The following PARPBP variants were observed in gnomAD, a reference collection of about 807,000 sequenced individuals.
The protein encoded by PARPBP is PCNA-interacting partner.
In PARPBP, 52 loss-of-function variants were observed where a neutral mutation model predicts 50.0. The observed-to-expected ratio is 1.04, with a 90% CI of 0.83 to 1.31. The LOEUF is 1.31. Ranked by LOEUF, PARPBP falls within the 50% of genes most tolerant of loss-of-function variation. The pLI is 0.00. For synonymous variants in PARPBP, 244 were observed against 232.1 expected, an observed-to-expected ratio of 1.05 and a Z score of -0.47; for missense variants, 697 against 672.0, an observed-to-expected ratio of 1.04 and a Z score of -0.41.
At chr12:102,122,957 G>T (rs1329057785) in intron 1 of PARPBP, among the ~76,000 whole-genome samples, 1 of 152,158 alleles carries the variant, frequency 6.6e-6, no homozygotes, top group Non-Finnish European at 1.5e-5. Context: ...CAAAAGTTAA[G>T]GTTTTAAAAT....
At chr12:102,151,488 G>A (rs1052775790) in intron 3 of PARPBP, 18 of 879,384 alleles carry the variant, frequency 2.0e-5, no homozygotes, top group Admixed American at 1.8e-4. Flanking sequence ...GCTGGGAGAT[G>A]CATCAACATC....
rs1378876929 is a variant in PARPBP, at chr12:102,182,622, A to C, written c.1258A>C (p.Ile420Leu). 15 of 1,602,552 alleles carry C rather than the reference A, an allele frequency of 9.4e-6. No individual in the cohort carries two copies. The highest frequency in any genetic ancestry group is 1.2e-5 in the Non-Finnish European group (14 of 1,170,360). Residue 420 changes from isoleucine (I) to leucine (L), a missense_variant, in exon 9 of 11, where the codon ATT (isoleucine) becomes CTT (leucine). Physicochemically the swap from Ile to Leu is conservative, Grantham distance 5. Coordinates refer to ENST00000327680, the MANE Select transcript of PARPBP (RefSeq NM_017915.5). ...RICVSMQEKK[I>L]KMKQTLIRSQ... ...CTGTGTGTCAATGCAAGAGAAAAAA[A>C]TTAAGGTACAATTTAATGCATGCCA...
intron 6 of PARPBP, among the ~76,000 whole-genome samples, chr12:102,166,914 A>T (rs972451086): frequency 6.6e-6 from 1 of 152,214 alleles, no homozygotes; most frequent in Non-Finnish European, 1.5e-5. Flanking sequence ...CTGAACTTCC[A>T]GATAATATAT....
chr12:102,165,209 A>C (rs1240053750), intron 5 of PARPBP, among the ~76,000 whole-genome samples: 1 of 152,202 alleles, frequency 6.6e-6, no homozygotes, highest in African/African-American at 2.4e-5. Flanking sequence ...CTTTTGAACT[A>C]TACATGATCC....
At position 102,147,959 on chromosome 12, in the gene PARPBP, A is replaced by G. The variant is rs539460552; in HGVS notation, c.154-271A>G. 1.9e-3 allele frequency among the ~76,000 whole-genome samples: 283 copies of G among 152,276 alleles called. 1 individual carries two copies. Among genetic ancestry groups the G allele is most frequent in the African/African-American group, 6.2e-3 (257 of 41,574 alleles). ...GGTAGAAGAAATTTGACGAATTTCA[A>G]GAAATGTAACAGCGGCTATGTATTT... On this transcript the variant is annotated intron_variant, in intron 2 of 10. Transcript: ENST00000327680.
chr12:102,121,433 A>C (rs554554588), intron 1 of PARPBP, among the ~76,000 whole-genome samples: 1 of 152,184 alleles, frequency 6.6e-6, no homozygotes, highest in African/African-American at 2.4e-5. Flanking sequence ...TTCACACTAG[A>C]AGGTCAAAGT....
chr12:102,194,150 G>A (rs1233663580), intron 9 of PARPBP, among the ~76,000 whole-genome samples: 4 of 151,918 alleles, frequency 2.6e-5, no homozygotes, highest in African/African-American at 9.7e-5. Flanking sequence ...CACTGCCATT[G>A]TCTTTACAAA....
chr12:102,127,987 A>G (rs1331418366), intron 2 of PARPBP, among the ~76,000 whole-genome samples: 1 of 152,240 alleles, frequency 6.6e-6, no homozygotes, highest in Non-Finnish European at 1.5e-5. Flanking sequence ...AACTGAGCAA[A>G]TTAATATGCA....
chr12:102,141,247 TTGTC>T (rs999742938), intron 2 of PARPBP, among the ~76,000 whole-genome samples: 28 of 152,320 alleles, frequency 1.8e-4, no homozygotes, highest in African/African-American at 6.5e-4. Flanking sequence ...ATGGCCTTCT[TTGTC>T]TGTTTTGATT....
rs572948117 is a variant in PARPBP, at chr12:102,167,323, A to T, written c.821+1440A>T. 8.5e-5 allele frequency among the ~76,000 whole-genome samples: 13 copies of T among 152,214 alleles called. No homozygotes were observed. In the South Asian group the frequency reaches 2.7e-3, roughly 32 times the overall value. ...GTCATGTTTCATTTATTTCTCTAAG[A>T]TTATTTATTATATTTAATGTAAAAA... On this transcript the variant is annotated intron_variant, in intron 6 of 10. Coordinates refer to ENST00000327680, the MANE Select transcript of PARPBP (RefSeq NM_017915.5).
chr12:102,153,015 A>G (rs936745022), intron 3 of PARPBP, among the ~76,000 whole-genome samples: 11 of 151,982 alleles, frequency 7.2e-5, no homozygotes, highest in Admixed American at 6.5e-5. Flanking sequence ...ATAATTTGAT[A>G]TAAATATATT....
rs373736933 is a variant in PARPBP at position 102,164,997 on chromosome 12, A to G, written c.666+389A>G. On this transcript the variant is annotated intron_variant, in intron 5 of 10. Coordinates refer to ENST00000327680, the MANE Select transcript of PARPBP (RefSeq NM_017915.5). ...TATAAGAGCTCTGAGAAGTCCTGCC[A>G]TAAAGAAATCTGCTTGTAGCAAATT... is the stretch of plus-strand genomic sequence containing the variant. Among the ~76,000 whole-genome samples the G allele has an allele frequency of 1.1e-3, 174 of 152,318 alleles. 2 individuals are homozygous for G. The highest frequency in any genetic ancestry group is 7.7e-3 in the South Asian group (37 of 4,828).
chr12:102,189,304 G>T (rs368087534), intron 9 of PARPBP, among the ~76,000 whole-genome samples: 3 of 152,180 alleles, frequency 2.0e-5, no homozygotes, highest in East Asian at 3.9e-4. Context: ...CTGCAGACAT[G>T]AATGTGCCAC....
At position 102,158,886 on chromosome 12, in the gene PARPBP, G is replaced by T. The variant is rs185141279; in HGVS notation, c.495+4910G>T. Among the ~76,000 whole-genome samples, 837 of 152,186 alleles carry T rather than the reference G, an allele frequency of 5.5e-3. 6 individuals carry two copies. Among genetic ancestry groups the T allele is most frequent in the Middle Eastern group, 0.01 (3 of 294 alleles). The stretch of plus-strand genomic sequence containing the variant: ...TTATAAAGTTTAAAGGAGTATCTGT[G>T]ACTAAAGATTATAAGCATGTAGTTT... On this transcript the variant is annotated intron_variant, in intron 4 of 10. Coordinates refer to ENST00000327680, the MANE Select transcript of PARPBP (RefSeq NM_017915.5).
intron 8 of PARPBP, among the ~76,000 whole-genome samples, chr12:102,179,722 T>C (rs1889646911): frequency 1.3e-5 from 2 of 152,292 alleles, no homozygotes; most frequent in East Asian, 3.9e-4. Flanking sequence ...TAGATATATA[T>C]ATATGGGTGA....
chr12:102,120,442 T>C, intron 1 of PARPBP, 156 bp downstream of exon 1: 1 of 456,550 alleles, frequency 2.2e-6, no homozygotes, highest in Non-Finnish European at 4.4e-6. Context: ...TCGAGCCTGG[T>C]TGGGCCTGGG....
At chr12:102,146,614 C>T (rs1885391567) in intron 2 of PARPBP, among the ~76,000 whole-genome samples, 2 of 152,224 alleles carry the variant, frequency 1.3e-5, no homozygotes, top group South Asian at 4.1e-4. Context: ...CATAAAAACC[C>T]TAGAAGAAAA....
chr12:102,160,030 C>A (rs1435473656), intron 4 of PARPBP, among the ~76,000 whole-genome samples: 1 of 152,174 alleles, frequency 6.6e-6, no homozygotes, highest in Non-Finnish European at 1.5e-5. Context: ...TTGGTAAAGG[C>A]TTCAATCTTG....
At chr12:102,124,081 C>T (rs1454306099) in intron 2 of PARPBP, 40 bp downstream of exon 2, 1 of 1,380,510 alleles carries the variant, frequency 7.2e-7, no homozygotes, top group South Asian at 1.3e-5. Flanking sequence ...TTTTTTAAAG[C>T]AAAATTTCAT....
Sources: gnomAD v4.1 joint callset for allele counts (sites outside exome capture counted in the v4.1 genomes callset) on GRCh38, gnomAD v4.1.1 for gene constraint, MANE v1.5 for transcripts, NCBI Gene and HGNC (gene_info 2026-07-23, HGNC 2026-07-21) for gene names.